The following ATXN7L1 variants were observed in gnomAD, a reference collection of about 807,000 sequenced individuals.
The protein encoded by ATXN7L1 is ataxin 7 like 1, also known as ataxin-7-like protein 1.
A neutral mutation model predicts 70.8 loss-of-function variants in ATXN7L1; 15 were observed. The observed-to-expected ratio is 0.21, with a 90% CI of 0.14 to 0.33. The LOEUF (loss-of-function observed/expected upper bound fraction) is 0.33. ATXN7L1 is among the 10% of genes least tolerant of loss of function. The pLI, the probability that ATXN7L1 is intolerant of heterozygous loss-of-function variation, is 1.00. For synonymous variants in ATXN7L1, 440 were observed against 445.1 expected, an observed-to-expected ratio of 0.99 and a Z score of 0.14; for missense variants, 975 against 1,097.1, an observed-to-expected ratio of 0.89 and a Z score of 1.57.
chr7:105,728,000 T>A (rs1273100530), intron 3 of ATXN7L1, among the ~76,000 whole-genome samples: 2 of 151,648 alleles, frequency 1.3e-5, no homozygotes, highest in Non-Finnish European at 2.9e-5. Flanking sequence ...AATGTAAAAA[T>A]TATTTTTAAA....
chr7:105,657,297 G>C (rs115956967), intron 4 of ATXN7L1, among the ~76,000 whole-genome samples: 2,856 of 152,212 alleles, frequency 0.019, 82 homozygotes, highest in African/African-American at 0.065. Flanking sequence ...AAAGAGATTA[G>C]AGGAGCCCAA....
intron 4 of ATXN7L1, among the ~76,000 whole-genome samples, chr7:105,663,763 ATTTT>A (rs1012145463): frequency 6.9e-6 from 1 of 145,690 alleles, no homozygotes; most frequent in Non-Finnish European, 1.5e-5. Context: ...AAAGCCTCAG[ATTTT>A]TTTTTTCTTT....
intron 2 of ATXN7L1, among the ~76,000 whole-genome samples, chr7:105,860,301 G>C (rs1300796423): frequency 6.6e-6 from 1 of 151,792 alleles, no homozygotes; most frequent in Non-Finnish European, 1.5e-5. Flanking sequence ...TGCAGAGTGG[G>C]GGTTACTACT....
At chr7:105,754,569 T>A (rs12538850) in intron 3 of ATXN7L1, among the ~76,000 whole-genome samples, 3 of 151,948 alleles carry the variant, frequency 2.0e-5, no homozygotes, top group East Asian at 1.9e-4. Flanking sequence ...CAAGGGACCC[T>A]CCCACCTCAG....
chr7:105,734,933 C>G (rs1034491086), intron 3 of ATXN7L1, among the ~76,000 whole-genome samples: 2 of 152,168 alleles, frequency 1.3e-5, no homozygotes, highest in African/African-American at 2.4e-5. Context: ...TCCATAAGCT[C>G]TGGAACTTTC....
intron 2 of ATXN7L1, among the ~76,000 whole-genome samples, chr7:105,795,501 C>T (rs113259280): frequency 0.056 from 8,447 of 152,184 alleles, 777 homozygotes; most frequent in African/African-American, 0.19. Flanking sequence ...CTAGATGCTG[C>T]GTGCCTTTGA....
chr7:105,695,061 GA>G (rs1218829081), intron 3 of ATXN7L1, among the ~76,000 whole-genome samples: 1 of 152,110 alleles, frequency 6.6e-6, no homozygotes, highest in Non-Finnish European at 1.5e-5. Flanking sequence ...TGAGGCAGGA[GA>G]ATTGCTTGAA....
intron 2 of ATXN7L1, among the ~76,000 whole-genome samples, chr7:105,806,161 G>C (rs1016956541): frequency 1.3e-5 from 2 of 152,116 alleles, no homozygotes; most frequent in Admixed American, 1.3e-4. Context: ...CATGGTGCTA[G>C]AGACTGAACT....
At chr7:105,874,089 T>TA (rs1375154824) in intron 2 of ATXN7L1, among the ~76,000 whole-genome samples, 1 of 139,444 alleles carries the variant, frequency 7.2e-6, no homozygotes, top group Non-Finnish European at 1.5e-5. Flanking sequence ...CGTACCACTG[T>TA]ACTCCAGCCT....
intron 6 of ATXN7L1, 51 bp downstream of exon 6, chr7:105,639,436 G>A: frequency 2.8e-6 from 4 of 1,443,750 alleles, no homozygotes; most frequent in South Asian, 2.4e-5. Flanking sequence ...CAAACATTTC[G>A]ACAAAGGCCC....
chr7:105,670,452 A>T (rs1346197168), intron 3 of ATXN7L1, among the ~76,000 whole-genome samples: 4 of 152,240 alleles, frequency 2.6e-5, no homozygotes, highest in Admixed American at 6.5e-5. Flanking sequence ...ACTTTCCTCT[A>T]AATTTTCTTA....
Position 105,858,177 on chromosome 7 carries a change from G to A in ATXN7L1, c.250+17635C>T, listed in dbSNP as rs144881976. Among the ~76,000 whole-genome samples, 266 of 152,306 alleles carry A rather than the reference G, an allele frequency of 1.7e-3. 1 individual carries two copies. Among genetic ancestry groups the A allele is most frequent in the African/African-American group, 6.2e-3 (257 of 41,568 alleles). On this transcript the variant is annotated intron_variant, in intron 2 of 11. Transcript: ENST00000419735. ...ATCAAGGAGGTCAAGGCTGCAGTGA[G>A]CTATGATCATGCCACTGCACTTCAG...
At chr7:105,786,485 A>G (rs968381439) in intron 3 of ATXN7L1, among the ~76,000 whole-genome samples, 2 of 152,148 alleles carry the variant, frequency 1.3e-5, no homozygotes, top group Non-Finnish European at 2.9e-5. Context: ...CAGTGAATTA[A>G]GCTCTCAGTG....
At chr7:105,707,696 G>C (rs1357775028) in intron 3 of ATXN7L1, among the ~76,000 whole-genome samples, 1 of 152,212 alleles carries the variant, frequency 6.6e-6, no homozygotes. Context: ...ACCTCCTGCA[G>C]AGAACTTCTA....
intron 7 of ATXN7L1, among the ~76,000 whole-genome samples, chr7:105,624,478 C>T (rs764118723): frequency 2.0e-5 from 3 of 151,848 alleles, no homozygotes; most frequent in Non-Finnish European, 4.4e-5. Context: ...GGTGAAACCC[C>T]GTCTCTACTA....
chr7:105,847,349 A>C (rs1174363329), intron 2 of ATXN7L1, among the ~76,000 whole-genome samples: 1 of 152,068 alleles, frequency 6.6e-6, no homozygotes, highest in Non-Finnish European at 1.5e-5. Context: ...TTTGAGAGAG[A>C]AATCATATCC....
At chr7:105,727,821 G>C (rs1162284815) in intron 3 of ATXN7L1, among the ~76,000 whole-genome samples, 1 of 113,620 alleles carries the variant, frequency 8.8e-6, no homozygotes, top group Non-Finnish European at 1.7e-5. Context: ...TGAATATAAA[G>C]GCAATGTTAT....
At chr7:105,736,445 TAA>T (rs544428454) in intron 3 of ATXN7L1, among the ~76,000 whole-genome samples, 1 of 152,192 alleles carries the variant, frequency 6.6e-6, no homozygotes, top group Non-Finnish European at 1.5e-5. Flanking sequence ...GCTCAGAACT[TAA>T]AAATATGAGT....
chr7:105,696,931 C>T (rs1242069259), intron 3 of ATXN7L1, among the ~76,000 whole-genome samples: 4 of 152,164 alleles, frequency 2.6e-5, no homozygotes, highest in Non-Finnish European at 5.9e-5. Flanking sequence ...AGACATCACA[C>T]GTTGGTAGGA....
Sources: gnomAD v4.1 joint callset for allele counts (sites outside exome capture counted in the v4.1 genomes callset) on GRCh38, gnomAD v4.1.1 for gene constraint, MANE v1.5 for transcripts, NCBI Gene and HGNC (gene_info 2026-07-23, HGNC 2026-07-21) for gene names.